The following RIMBP2 variants were observed in gnomAD, a reference collection of about 807,000 sequenced individuals.
The protein encoded by RIMBP2 is RIMS binding protein 2.
RIMBP2 carries 48 observed loss-of-function variants against 118.6 expected under a neutral mutation model. The ratio of observed to expected loss-of-function variants is 0.40; its 90% confidence interval spans 0.32 to 0.51. RIMBP2 has a LOEUF of 0.51. RIMBP2 is among the 20% of genes least tolerant of loss of function. The pLI, the probability that RIMBP2 is intolerant of heterozygous loss-of-function variation, is 0.41. For synonymous variants in RIMBP2, 762 were observed against 742.9 expected, an observed-to-expected ratio of 1.03 and a Z score of -0.42; for missense variants, 1,551 against 1,768.3, an observed-to-expected ratio of 0.88 and a Z score of 2.20.
chr12:130,648,959 C>T (rs1467389906), intron 1 of RIMBP2, among the ~76,000 whole-genome samples: 1 of 145,852 alleles, frequency 6.9e-6, no homozygotes, highest in East Asian at 1.9e-4. Flanking sequence ...AAACGGATCG[C>T]ACATGGTAAT....
intron 1 of RIMBP2, among the ~76,000 whole-genome samples, chr12:130,715,167 C>A (rs1950239974): frequency 6.6e-6 from 1 of 152,248 alleles, no homozygotes; most frequent in Admixed American, 6.5e-5. Context: ...GGTTTTCACC[C>A]TTGTGAGCAG....
At chr12:130,467,275 G>A (rs1478349284) in intron 6 of RIMBP2, among the ~76,000 whole-genome samples, 1 of 152,234 alleles carries the variant, frequency 6.6e-6, no homozygotes, top group Non-Finnish European at 1.5e-5. Context: ...TGCAGCTAGA[G>A]GCTGAAAGAT....
intron 1 of RIMBP2, among the ~76,000 whole-genome samples, chr12:130,655,713 A>G (rs1339799876): frequency 6.6e-6 from 1 of 152,218 alleles, no homozygotes; most frequent in Non-Finnish European, 1.5e-5. Context: ...GCAAACACAG[A>G]TACATATGTG....
Position 130,621,690 on chromosome 12 carries a change from C to G in RIMBP2, c.-217+6632G>C, listed in dbSNP as rs769174709. Among the ~76,000 whole-genome samples, 1 of 152,180 alleles carries G rather than the reference C, an allele frequency of 6.6e-6. No homozygotes were observed. The highest frequency in any genetic ancestry group is 1.5e-5 in the Non-Finnish European group (1 of 68,034). ...AGCAAGTAAATGACATCCCAGGGCCCGAGTTTACCAAGAGACACGAGTGAA... is the reference window on the plus strand; with the variant it reads ...AGCAAGTAAATGACATCCCAGGGCCGGAGTTTACCAAGAGACACGAGTGAA... On this transcript the variant is annotated intron_variant, in intron 2 of 22. Transcript: ENST00000690449. This position sits in a 1 kb window ranked among gnomAD's most constrained non-coding sequence, Gnocchi z 6.6.
intron 2 of RIMBP2, among the ~76,000 whole-genome samples, chr12:130,610,551 C>CCTT (rs1232222327): frequency 1.2e-5 from 1 of 81,548 alleles, no homozygotes; most frequent in Non-Finnish European, 2.3e-5. Flanking sequence ...AATTTTCCTG[C>CCTT]TTTTTTTTTT....
intron 2 of RIMBP2, among the ~76,000 whole-genome samples, chr12:130,553,582 G>A (rs556869977): frequency 2.4e-4 from 36 of 152,088 alleles, no homozygotes; most frequent in African/African-American, 7.2e-4. Flanking sequence ...CGTCTCTACC[G>A]AAAATACAAA....
chr12:130,673,954 C>CAA (rs34875722), intron 1 of RIMBP2, among the ~76,000 whole-genome samples: 4,640 of 142,636 alleles, frequency 0.033, 193 homozygotes, highest in African/African-American at 0.099. Context: ...TTTAAAAATA[C>CAA]AAAAAAAAAA....
chr12:130,617,462 T>C lies in RIMBP2; in HGVS notation c.-217+10860A>G, dbSNP rs1447567200. 6.6e-6 allele frequency among the ~76,000 whole-genome samples: 1 copy of C among 152,236 alleles called. No individual in the cohort carries two copies. The highest frequency in any genetic ancestry group is 1.5e-5 in the Non-Finnish European group (1 of 68,042). On this transcript the variant is annotated intron_variant, in intron 2 of 22. Coordinates refer to ENST00000690449, the MANE Select transcript of RIMBP2 (RefSeq NM_001393629.1). The surrounding 1 kb of genome is among the most constrained non-coding windows in gnomAD (Gnocchi z 4.6). ...GGGCACCAGCTGAGAGTTCAGTCAATGCTGTGGCCCCACAGGCCTAGGCCA... is the reference window on the plus strand; with the variant it reads ...GGGCACCAGCTGAGAGTTCAGTCAACGCTGTGGCCCCACAGGCCTAGGCCA...
At chr12:130,521,176 A>G (rs1393479635) in intron 2 of RIMBP2, among the ~76,000 whole-genome samples, 1 of 152,214 alleles carries the variant, frequency 6.6e-6, no homozygotes, top group African/African-American at 2.4e-5. Context: ...CCTGTGTGCT[A>G]CCAGAGCTGT....
chr12:130,478,619 A>C lies in RIMBP2; in HGVS notation c.102+293T>G, dbSNP rs191776464. Reference sequence around the variant, plus strand: ...GCACACTGCTTTTTCCAGAAGCGGAAGCAATTCACACCCTGCCAGCCATCT... The same window carrying C: ...GCACACTGCTTTTTCCAGAAGCGGACGCAATTCACACCCTGCCAGCCATCT... On this transcript the variant is annotated intron_variant, in intron 5 of 22. Coordinates refer to ENST00000690449, the MANE Select transcript of RIMBP2 (RefSeq NM_001393629.1). Among the ~76,000 whole-genome samples the C allele has an allele frequency of 3.3e-3, 510 of 152,352 alleles. 2 individuals are homozygous for C. The highest frequency in any genetic ancestry group is 5.8e-3 in the Non-Finnish European group (394 of 68,026).
At chr12:130,489,171 C>T (rs1009577538) in intron 4 of RIMBP2, among the ~76,000 whole-genome samples, 2 of 152,194 alleles carry the variant, frequency 1.3e-5, no homozygotes, top group South Asian at 2.1e-4. Context: ...AACTTTTACC[C>T]TTGTCTCTGA....
intron 1 of RIMBP2, among the ~76,000 whole-genome samples, chr12:130,675,909 G>A (rs1014168244): frequency 6.6e-5 from 10 of 152,230 alleles, no homozygotes; most frequent in African/African-American, 2.4e-4. Context: ...AAGCCCCTAA[G>A]GTGGTGGCAT....
intron 16 of RIMBP2, among the ~76,000 whole-genome samples, chr12:130,423,377 C>T (rs140592198): frequency 2.0e-5 from 3 of 152,178 alleles, no homozygotes; most frequent in Non-Finnish European, 4.4e-5. Context: ...CCTGGGTGGG[C>T]CCATCGCAAG....
At chr12:130,458,029 G>A (rs867922176) in intron 6 of RIMBP2, among the ~76,000 whole-genome samples, 9 of 151,782 alleles carry the variant, frequency 5.9e-5, no homozygotes, top group South Asian at 4.2e-4. Context: ...TTCCTGCTGC[G>A]TCCCGGACCT....
At chr12:130,662,831 C>CA (rs1192121157) in intron 1 of RIMBP2, among the ~76,000 whole-genome samples, 1 of 152,038 alleles carries the variant, frequency 6.6e-6, no homozygotes, top group Non-Finnish European at 1.5e-5. Flanking sequence ...CGGTGCACTC[C>CA]TATGGTCCCA....
chr12:130,651,360 G>C (rs948724647), intron 1 of RIMBP2: 3 of 152,350 alleles, frequency 2.0e-5, no homozygotes, highest in African/African-American at 7.2e-5. Context: ...AGATGGCAGG[G>C]CGATGGCGTT....
At chr12:130,533,649 G>A (rs2053711361) in intron 2 of RIMBP2, among the ~76,000 whole-genome samples, 1 of 152,136 alleles carries the variant, frequency 6.6e-6, no homozygotes, top group South Asian at 2.1e-4. Flanking sequence ...CAAAGCTAGA[G>A]AATCAACCTA....
At chr12:130,399,591 A>G (rs1402683389) in intron 22 of RIMBP2, 88 bp downstream of exon 22, 1 of 1,473,408 alleles carries the variant, frequency 6.8e-7, no homozygotes, top group African/African-American at 1.4e-5. Flanking sequence ...TTTCGGCCCA[A>G]GATATAAAAA....
In RIMBP2 at chr12:130,441,873, A is replaced by G; in HGVS notation, c.1479T>C (p.Phe493=). 2 of 1,613,786 alleles carry G rather than the reference A, an allele frequency of 1.2e-6. No individual in the cohort carries two copies. Among genetic ancestry groups the G allele is most frequent in the Non-Finnish European group, 1.7e-6 (2 of 1,180,038 alleles). Residue 493 remains phenylalanine, a synonymous_variant, in exon 11 of 23, where the codon TTT becomes TTC. Coordinates refer to ENST00000690449, the MANE Select transcript of RIMBP2 (RefSeq NM_001393629.1). The part of the protein sequence containing the change: ...PLEQREKKEA[F]VEFSTLPAGP... ...CTGCAGGCAACGTGGAGAACTCCAC[A>G]AAGGCCTCCTTCTTCTCCCTTTGCT...
Sources: gnomAD v4.1 joint callset for allele counts (sites outside exome capture counted in the v4.1 genomes callset) on GRCh38, gnomAD v4.1.1 for gene constraint, Gnocchi (gnomAD v3.1) non-coding constraint, MANE v1.5 for transcripts, NCBI Gene and HGNC (gene_info 2026-07-23, HGNC 2026-07-21) for gene names.